The following ASB2 variants were observed in gnomAD, a reference collection of about 807,000 sequenced individuals.
ASB2 encodes the protein ankyrin repeat and SOCS box protein 2.
ASB2 carries 58 observed loss-of-function variants against 62.4 expected under a neutral mutation model. That is an observed-to-expected ratio of 0.93 (90% CI 0.75 to 1.16). The LOEUF (loss-of-function observed/expected upper bound fraction) is 1.16. Ranked by LOEUF, ASB2 falls within the 50% of genes most tolerant of loss-of-function variation. The pLI, the probability that ASB2 is intolerant of heterozygous loss-of-function variation, is 0.00. For missense variants in ASB2, 928 were observed against 887.9 expected (o/e 1.05, Z -0.57); for synonymous variants, 386 against 385.3 (o/e 1.00, Z -0.02).
chr14:93,970,361 G>A (rs1889725725), intron 1 of ASB2, among the ~76,000 whole-genome samples: 1 of 152,188 alleles, frequency 6.6e-6, no homozygotes, highest in Admixed American at 6.5e-5. Flanking sequence ...GTTTGTGGAT[G>A]GAGCTGCTCG....
intron 4 of ASB2, 67 bp from the exon 5 acceptor site, chr14:93,953,574 C>T (rs1413825419): frequency 2.2e-6 from 3 of 1,343,042 alleles, no homozygotes; most frequent in Non-Finnish European, 3.0e-6. Flanking sequence ...CAGAGGCTTT[C>T]CCGATTGCCT....
chr14:93,962,709 C>T (rs2141311135), intron 2 of ASB2, among the ~76,000 whole-genome samples: 1 of 152,324 alleles, frequency 6.6e-6, no homozygotes, highest in South Asian at 2.1e-4. Flanking sequence ...ATCCCTGGGA[C>T]TCCTGAGGGG....
chr14:93,956,838 C>T lies in ASB2; in HGVS notation c.239G>A (p.Arg80Gln), dbSNP rs1555429415. 8 of 1,614,186 alleles carry T rather than the reference C, an allele frequency of 5.0e-6. No individual in the cohort carries two copies. Among genetic ancestry groups the T allele is most frequent in the East Asian group, 2.2e-5 (1 of 44,884 alleles). Residue 80 changes from arginine to glutamine, a missense_variant, in exon 3 of 10, where the codon CGG becomes CAG. Coordinates refer to ENST00000555019, the MANE Select transcript of ASB2 (RefSeq NM_001202429.2). ...CCCTTGGAACAAGCCCATTGGGGCC[C>T]GGGCCGGCGAACTCTCAGGAGGTGC... is the stretch of plus-strand genomic sequence containing the variant. ...STAPPESSPA[R>Q]APMGLFQGVM...
chr14:93,960,053 T>C (rs1236655691), intron 2 of ASB2, among the ~76,000 whole-genome samples: 1 of 152,054 alleles, frequency 6.6e-6, no homozygotes, highest in Admixed American at 6.5e-5. Flanking sequence ...ATGTGACTCA[T>C]TGAGCACTTG....
rs1888205066 is a variant in ASB2, at chr14:93,934,660, T to G, written c.1904A>C (p.Gln635Pro). ...LIRYLKYENT[Q>P] ...CCTCTCTCCCCGTGGCCCCAGTTACTGGGTGTTCTCGTATTTCAGGTATCT... is the reference window on the plus strand; with the variant it reads ...CCTCTCTCCCCGTGGCCCCAGTTACGGGGTGTTCTCGTATTTCAGGTATCT... The change falls in exon 10 of 10, where the codon CAG (glutamine) becomes CCG (proline). Residue 635 changes from glutamine (Q) to proline (P), a missense_variant. Physicochemically the swap from Gln to Pro is moderately conservative, Grantham distance 76 (BLOSUM62 -1). Transcript: ENST00000555019. The G allele has an allele frequency of 1.9e-6, 3 of 1,614,126 alleles. No homozygotes were observed. In the South Asian group the frequency reaches 3.3e-5, roughly 18 times the overall value.
intron 2 of ASB2, among the ~76,000 whole-genome samples, chr14:93,958,094 G>A (rs1359997264): frequency 2.6e-5 from 4 of 152,184 alleles, no homozygotes; most frequent in African/African-American, 4.8e-5. Context: ...AGGGGAACCT[G>A]CTCACCCCTC....
At chr14:93,945,727 T>C (rs1888699979) in intron 7 of ASB2, among the ~76,000 whole-genome samples, 1 of 152,098 alleles carries the variant, frequency 6.6e-6, no homozygotes, top group East Asian at 1.9e-4. Flanking sequence ...CTTTGGGTGG[T>C]CTTGGTGCAG....
intron 1 of ASB2, among the ~76,000 whole-genome samples, chr14:93,967,104 T>C (rs1889617825): frequency 6.6e-6 from 1 of 152,218 alleles, no homozygotes; most frequent in Non-Finnish European, 1.5e-5. Context: ...CTCTCTTGTG[T>C]CCTCAGTTTT....
At position 93,934,694 on chromosome 14, in the gene ASB2, T is replaced by C; in HGVS notation, c.1870A>G (p.Arg624Gly). The change falls in exon 10 of 10, where the codon AGG (arginine) becomes GGG (glycine). Residue 624 changes from arginine (R) to glycine (G), a missense_variant. Transcript: ENST00000555019. ...TCGTATTTCAGGTATCTAATCAGCC[T>C]GCCTGGGAGCGGCAAGGTGTCTAGG... ...KLLDTLPLPG[R>G]LIRYLKYENT... is the part of the protein sequence containing the mutation. 1.2e-6 allele frequency: 2 copies of C among 1,614,180 alleles called. No individual in the cohort carries two copies. Among genetic ancestry groups the C allele is most frequent in the African/African-American group, 2.7e-5 (2 of 75,064 alleles).
intron 6 of ASB2, among the ~76,000 whole-genome samples, chr14:93,949,843 C>T (rs1260953864): frequency 2.0e-5 from 3 of 152,160 alleles, no homozygotes; most frequent in Non-Finnish European, 4.4e-5. Flanking sequence ...GCCTGTGCCC[C>T]TTTGTTCTTA....
Position 93,947,498 on chromosome 14 carries a change from G to A in ASB2, c.903C>T (p.Ala301=). The A allele has an allele frequency of 6.2e-7, 1 of 1,613,962 alleles. No homozygotes were observed. ...AKYGADINTQ[A]SDNASALYEA... Reference sequence around the variant, plus strand: ...CGTAGAGGGCAGACGCGTTGTCGCTGGCCTGCGTGTTGATGTCAGCACCTG... The same window carrying A: ...CGTAGAGGGCAGACGCGTTGTCGCTAGCCTGCGTGTTGATGTCAGCACCTG... Residue 301 remains alanine, a synonymous_variant, in exon 7 of 10, where the codon GCC becomes GCT. Coordinates refer to ENST00000555019, the MANE Select transcript of ASB2 (RefSeq NM_001202429.2).
At chr14:93,960,717 T>C (rs1311656155) in intron 2 of ASB2, among the ~76,000 whole-genome samples, 1 of 152,096 alleles carries the variant, frequency 6.6e-6, no homozygotes, top group Non-Finnish European at 1.5e-5. Context: ...GTGCCTTACG[T>C]TGAGGTGAGA....
At chr14:93,950,579 G>C (rs749186294) in intron 6 of ASB2, among the ~76,000 whole-genome samples, 5 of 152,204 alleles carry the variant, frequency 3.3e-5, no homozygotes, top group Non-Finnish European at 7.3e-5. Flanking sequence ...TGGCCCTGAA[G>C]TGTGATGTGG....
intron 3 of ASB2, 95 bp downstream of exon 3, chr14:93,956,671 C>A: frequency 6.5e-7 from 1 of 1,541,462 alleles, no homozygotes; most frequent in Non-Finnish European, 8.9e-7. Context: ...GCCCTCTGCC[C>A]TCCTGGGGGC....
At chr14:93,972,576 C>A (rs1044274648) in intron 1 of ASB2, among the ~76,000 whole-genome samples, 2 of 152,190 alleles carry the variant, frequency 1.3e-5, no homozygotes, top group Non-Finnish European at 2.9e-5. Context: ...GTTGAGACCA[C>A]GTCAGCCTGC....
At chr14:93,959,768 T>C (rs1306267228) in intron 2 of ASB2, among the ~76,000 whole-genome samples, 1 of 151,778 alleles carries the variant, frequency 6.6e-6, no homozygotes, top group Non-Finnish European at 1.5e-5. Context: ...AGGACAGTGC[T>C]CCTAGCCTCT....
intron 7 of ASB2, chr14:93,942,115 T>G (rs1046745485): frequency 2.2e-6 from 1 of 453,222 alleles, no homozygotes; most frequent in Non-Finnish European, 4.4e-6. Context: ...TCACTCCTCT[T>G]CCCAGCCCAT....
chr14:93,937,249 G>A (rs974919195), intron 9 of ASB2, among the ~76,000 whole-genome samples: 1 of 152,156 alleles, frequency 6.6e-6, no homozygotes, highest in African/African-American at 2.4e-5. Context: ...CCCCGCCCCA[G>A]ACCTGCGGAA....
In ASB2 at chr14:93,956,753, A is replaced by G. The variant is rs749800659; in HGVS notation, c.311+13T>C. 22 of 1,614,060 alleles carry G rather than the reference A, an allele frequency of 1.4e-5. No individual in the cohort carries two copies. Among genetic ancestry groups the G allele is most frequent in the Middle Eastern group, 3.3e-4 (2 of 6,030 alleles). On this transcript the variant is annotated intron_variant, in intron 3 of 9. Transcript: ENST00000555019. Reference sequence around the variant, plus strand: ...AACTTGGATGGTCCTGGGGCCAGACAGGAGTCACTTACGCCAGCTGGGAGG... The same window carrying G: ...AACTTGGATGGTCCTGGGGCCAGACGGGAGTCACTTACGCCAGCTGGGAGG...
Sources: gnomAD v4.1 joint callset for allele counts (sites outside exome capture counted in the v4.1 genomes callset) on GRCh38, gnomAD v4.1.1 for gene constraint, MANE v1.5 for transcripts, NCBI Gene and HGNC (gene_info 2026-07-23, HGNC 2026-07-21) for gene names.